Variants in CADPS2 observed in about 807,000 individuals in gnomAD.
CADPS2 encodes the protein calcium dependent secretion activator 2.
Under a neutral mutation model 172.5 loss-of-function variants are expected in CADPS2, and 93 were observed. The observed-to-expected ratio is 0.54, with a 90% CI of 0.46 to 0.64. The LOEUF (loss-of-function observed/expected upper bound fraction) is 0.64. Among genes scored for constraint, CADPS2 ranks in the 30% least tolerant of loss-of-function variants. CADPS2 has a pLI of 0.00. For synonymous variants in CADPS2, 546 were observed against 555.2 expected (o/e 0.98, Z 0.23); for missense variants, 1,420 against 1,565.9 (o/e 0.91, Z 1.57).
intron 20 of CADPS2, among the ~76,000 whole-genome samples, chr7:122,402,577 T>C (rs2046092107): frequency 6.6e-6 from 1 of 152,230 alleles, no homozygotes; most frequent in African/African-American, 2.4e-5. Flanking sequence ...GAATTATTCA[T>C]GAACCACCCC....
At chr7:122,744,139 T>C (rs898764061) in intron 1 of CADPS2, among the ~76,000 whole-genome samples, 1 of 152,202 alleles carries the variant, frequency 6.6e-6, no homozygotes, top group African/African-American at 2.4e-5. Flanking sequence ...CTGTAACAGG[T>C]GGCTAAAGTA....
intron 2 of CADPS2, among the ~76,000 whole-genome samples, chr7:122,677,450 C>T (rs892523141): frequency 6.6e-5 from 10 of 152,102 alleles, no homozygotes; most frequent in Admixed American, 2.6e-4. Flanking sequence ...CTGAGGAGGA[C>T]GGGTGGGCTT....
chr7:122,441,586 A>C lies in CADPS2; in HGVS notation c.2289-11T>G. ...AAGGGAAAACAGTATCTTTAAAAAC[A>C]AAAGAAAGAACAAAAGAGTCAAACA... On this transcript the variant is annotated splice_polypyrimidine_tract_variant and intron_variant, in intron 15 of 29. Coordinates refer to ENST00000449022, the MANE Select transcript of CADPS2 (RefSeq NM_017954.11). 1 of 1,516,172 alleles carries C rather than the reference A, an allele frequency of 6.6e-7. No homozygotes were observed. Among genetic ancestry groups the C allele is most frequent in the Non-Finnish European group, 8.8e-7 (1 of 1,130,062 alleles). 93.9% of individuals were successfully genotyped at this position (1,516,172 alleles called of 1,614,324 possible).
intron 8 of CADPS2, among the ~76,000 whole-genome samples, chr7:122,538,146 TAAAA>T (rs35361124): frequency 6.8e-6 from 1 of 146,504 alleles, no homozygotes; most frequent in African/African-American, 2.5e-5. Flanking sequence ...ACAAATTCAG[TAAAA>T]AAAAAAAGAG....
intron 6 of CADPS2, among the ~76,000 whole-genome samples, chr7:122,589,126 A>G (rs976744355): frequency 6.6e-6 from 1 of 152,002 alleles, no homozygotes; most frequent in African/African-American, 2.4e-5. Context: ...CCCTGCACAT[A>G]ATGGCCACAT....
intron 15 of CADPS2, among the ~76,000 whole-genome samples, chr7:122,449,980 T>C (rs2052834030): frequency 6.6e-6 from 1 of 152,172 alleles, no homozygotes; most frequent in Non-Finnish European, 1.5e-5. Flanking sequence ...AGATTTATAG[T>C]ATATACTATG....
intron 7 of CADPS2, among the ~76,000 whole-genome samples, chr7:122,579,466 T>TATAC (rs1213220070): frequency 1.4e-5 from 2 of 147,088 alleles, no homozygotes; most frequent in Admixed American, 1.4e-4. Flanking sequence ...TATATATATA[T>TATAC]ATATATATAT....
chr7:122,732,393 G>A (rs1158720958), intron 2 of CADPS2, among the ~76,000 whole-genome samples: 3 of 149,922 alleles, frequency 2.0e-5, no homozygotes, highest in African/African-American at 4.9e-5. Context: ...CAATCAAGAT[G>A]GAAAAGGCTA....
intron 1 of CADPS2, among the ~76,000 whole-genome samples, chr7:122,804,720 T>C (rs768662716): frequency 4.6e-5 from 7 of 152,312 alleles, no homozygotes; most frequent in Non-Finnish European, 8.8e-5. Context: ...CTATATCAAA[T>C]GATGCTGGAT....
At chr7:122,499,034 G>A (rs914695377) in intron 9 of CADPS2, among the ~76,000 whole-genome samples, 1 of 152,118 alleles carries the variant, frequency 6.6e-6, no homozygotes, top group African/African-American at 2.4e-5. Context: ...TGCTTTTTAT[G>A]TTAATTTCCT....
rs576134869 is a variant in CADPS2 at position 122,647,635 on chromosome 7, T to C, written c.786+15602A>G. 6.6e-5 allele frequency among the ~76,000 whole-genome samples: 10 copies of C among 152,284 alleles called. No individual in the cohort carries two copies. In the South Asian group the frequency reaches 2.1e-3, roughly 32 times the overall value. On this transcript the variant is annotated intron_variant, in intron 3 of 29. Coordinates refer to ENST00000449022, the MANE Select transcript of CADPS2 (RefSeq NM_017954.11). ...TTTCTAGTTTAAAGCAAAGATAATT[T>C]AAGATATTTTGAACCAAGAAGATAT...
chr7:122,447,369 T>C (rs2052394625), intron 15 of CADPS2, among the ~76,000 whole-genome samples: 1 of 151,874 alleles, frequency 6.6e-6, no homozygotes, highest in Non-Finnish European at 1.5e-5. Flanking sequence ...AGTGGGCAAA[T>C]ATCTCAACAT....
At chr7:122,677,675 A>C (rs1448879744) in intron 2 of CADPS2, among the ~76,000 whole-genome samples, 2 of 152,190 alleles carry the variant, frequency 1.3e-5, no homozygotes, top group African/African-American at 2.4e-5. Flanking sequence ...AAAACCCAAA[A>C]AGCATACAGA....
At chr7:122,530,976 G>A (rs1053834544) in intron 8 of CADPS2, among the ~76,000 whole-genome samples, 1 of 152,088 alleles carries the variant, frequency 6.6e-6, no homozygotes, top group South Asian at 2.1e-4. Context: ...CCTGGTGGGC[G>A]TAAGATAGGA....
intron 9 of CADPS2, among the ~76,000 whole-genome samples, chr7:122,507,521 C>A (rs905660690): frequency 6.6e-6 from 1 of 152,072 alleles, no homozygotes; most frequent in South Asian, 2.1e-4. Context: ...GAAGTCAAGA[C>A]GTGGCTCAGT....
chr7:122,598,477 G>C (rs953793125), intron 6 of CADPS2, among the ~76,000 whole-genome samples: 2 of 152,010 alleles, frequency 1.3e-5, no homozygotes, highest in African/African-American at 4.8e-5. Context: ...TATTAATGTT[G>C]CAATTTGTGA....
At chr7:122,362,565 G>A (rs1262215511) in intron 25 of CADPS2, among the ~76,000 whole-genome samples, 2 of 152,062 alleles carry the variant, frequency 1.3e-5, no homozygotes, top group Non-Finnish European at 2.9e-5. Flanking sequence ...CATGAAAATC[G>A]ATGAATAAGA....
At chr7:122,770,495 T>C (rs17144833) in intron 1 of CADPS2, among the ~76,000 whole-genome samples, 2,247 of 152,272 alleles carry the variant, frequency 0.015, 54 homozygotes, top group African/African-American at 0.051. Context: ...CAGTATCTGC[T>C]GCAACTCACA....
chr7:122,621,749 C>G, intron 4 of CADPS2, 32 bp from the exon 5 acceptor site: 2 of 1,212,604 alleles, frequency 1.6e-6, no homozygotes, highest in Non-Finnish European at 2.3e-6. Context: ...AATAGTGTTA[C>G]ATAAGTCATA....
Sources: gnomAD v4.1 joint callset for allele counts (sites outside exome capture counted in the v4.1 genomes callset) on GRCh38, gnomAD v4.1.1 for gene constraint, MANE v1.5 for transcripts, NCBI Gene and HGNC (gene_info 2026-07-23, HGNC 2026-07-21) for gene names.